Variants in APOOL observed in about 807,000 individuals in gnomAD.
The protein encoded by APOOL is MICOS complex subunit MIC27.
Under a neutral mutation model 23.1 loss-of-function variants are expected in APOOL, and 12 were observed. The ratio of observed to expected loss-of-function variants is 0.52; its 90% CI spans 0.33 to 0.84. APOOL has a LOEUF of 0.84. APOOL is among the 40% of genes least tolerant of loss of function. The pLI, the probability that APOOL is intolerant of heterozygous loss-of-function variation, is 0.02. For missense variants in APOOL, 212 were observed against 199.6 expected (o/e 1.06, Z -0.37); for synonymous variants, 77 against 69.9 (o/e 1.10, Z -0.51).
chrX:85,073,053 T>G (rs745692850), intron 6 of APOOL, among the ~76,000 whole-genome samples: 2 of 111,248 alleles, frequency 1.8e-5, no homozygotes, highest in South Asian at 7.4e-4. Flanking sequence ...GAGTAAAAAT[T>G]GAGGAAGGAT....
At chrX:85,074,189 C>G in intron 7 of APOOL, 78 bp downstream of exon 7, 1 of 1,155,267 alleles carries the variant, frequency 8.7e-7, no homozygotes, top group East Asian at 3.1e-5. Flanking sequence ...GGGTACTGGA[C>G]AGAGGTCGAG....
chrX:85,045,145 A>G (rs1922532324), intron 1 of APOOL, among the ~76,000 whole-genome samples: 1 of 111,911 alleles, frequency 8.9e-6, no homozygotes, highest in South Asian at 3.7e-4. Flanking sequence ...ATTAATGAAT[A>G]CCAACTGGGT....
intron 1 of APOOL, among the ~76,000 whole-genome samples, chrX:85,022,720 A>G (rs1433965865): frequency 9.0e-6 from 1 of 111,725 alleles, no homozygotes; most frequent in African/African-American, 3.2e-5. Context: ...TATTTAATAT[A>G]GTACTGGAAG....
intron 2 of APOOL, among the ~76,000 whole-genome samples, chrX:85,047,507 G>C (rs1922614648): frequency 9.0e-6 from 1 of 111,034 alleles, no homozygotes; most frequent in African/African-American, 3.3e-5. Flanking sequence ...TTATATTTGA[G>C]TGCTCAAAAT....
intron 1 of APOOL, among the ~76,000 whole-genome samples, chrX:85,021,986 C>T (rs1921682448): frequency 9.0e-6 from 1 of 111,371 alleles, no homozygotes; most frequent in African/African-American, 3.3e-5. Flanking sequence ...ACTGGATAAC[C>T]TAGAAAAAAA....
At chrX:85,033,548 G>A (rs1922113426) in intron 1 of APOOL, among the ~76,000 whole-genome samples, 1 of 111,955 alleles carries the variant, frequency 8.9e-6, no homozygotes, top group African/African-American at 3.2e-5. Context: ...GTTATATGGA[G>A]AATAAGTTTT....
chrX:85,031,961 T>A (rs1157009943), intron 1 of APOOL, among the ~76,000 whole-genome samples: 2 of 111,823 alleles, frequency 1.8e-5, no homozygotes, highest in African/African-American at 6.5e-5. Context: ...GCTCTCAATA[T>A]TCCTCTCCCA....
chrX:85,043,720 C>T (rs1327835541), intron 1 of APOOL, among the ~76,000 whole-genome samples: 2 of 111,240 alleles, frequency 1.8e-5, no homozygotes, highest in Non-Finnish European at 3.8e-5. Context: ...ACAAAAATTG[C>T]AACCTTTTTT....
chrX:85,062,159 G>A (rs1463697670), intron 5 of APOOL, among the ~76,000 whole-genome samples: 1 of 110,198 alleles, frequency 9.1e-6, no homozygotes, highest in African/African-American at 3.3e-5. Context: ...TTCAGGAGCA[G>A]GTCTTCTTTT....
intron 8 of APOOL, among the ~76,000 whole-genome samples, chrX:85,077,108 T>C (rs2147664235): frequency 9.7e-6 from 1 of 102,929 alleles, no homozygotes; most frequent in Non-Finnish European, 2.0e-5. Flanking sequence ...CACATATATA[T>C]ATATTTTTTT....
At chrX:85,059,564 G>A (rs1923110767) in intron 5 of APOOL, among the ~76,000 whole-genome samples, 2 of 109,163 alleles carry the variant, frequency 1.8e-5, no homozygotes, top group East Asian at 2.9e-4. Flanking sequence ...TTTAATGATT[G>A]CCATTCTAAC....
chrX:85,041,570 G>T (rs1288620072), intron 1 of APOOL, among the ~76,000 whole-genome samples: 1 of 111,325 alleles, frequency 9.0e-6, no homozygotes, highest in Non-Finnish European at 1.9e-5. Context: ...GGGCATGTGA[G>T]AGAGTCTGGC....
chrX:85,072,270 A>G (rs1016753861), intron 6 of APOOL, among the ~76,000 whole-genome samples: 3 of 112,109 alleles, frequency 2.7e-5, no homozygotes, highest in Non-Finnish European at 5.6e-5. Context: ...AATTTGAAAA[A>G]TCATTTAGAT....
At chrX:85,045,344 A>G (rs1352005451) in intron 1 of APOOL, among the ~76,000 whole-genome samples, 1 of 111,782 alleles carries the variant, frequency 8.9e-6, no homozygotes, top group Non-Finnish European at 1.9e-5. Context: ...TGCCCAGTTT[A>G]AACAGGAAAT....
At chrX:85,045,059 A>C (rs1320068970) in intron 1 of APOOL, among the ~76,000 whole-genome samples, 1 of 111,914 alleles carries the variant, frequency 8.9e-6, no homozygotes, top group East Asian at 2.8e-4. Context: ...CATGGGGACC[A>C]TACTTGCTGG....
chrX:85,088,186 A>G lies in APOOL; in HGVS notation c.*508A>G, dbSNP rs369848219. On this transcript the variant is annotated 3_prime_UTR_variant, in exon 9 of 9. Coordinates refer to ENST00000373173, the MANE Select transcript of APOOL (RefSeq NM_198450.6). ...TATTTATACATATATGTATAAATAC[A>G]TACATATTTATACATATATATGTAT... is the stretch of plus-strand genomic sequence containing the variant. The G allele has an allele frequency of 6.7e-3, 58 of 8,717 alleles. No homozygotes were observed. The highest frequency in any genetic ancestry group is 9.7e-3 in the Non-Finnish European group (31 of 3,192). 0.7% of individuals were successfully genotyped at this position (8,717 alleles called of 1,213,427 possible). A position where few individuals can be genotyped will look rare whatever the true frequency, so the allele number is the denominator to read the frequency against.
intron 1 of APOOL, among the ~76,000 whole-genome samples, chrX:85,028,016 A>G (rs976956700): frequency 9.0e-6 from 1 of 111,457 alleles, no homozygotes; most frequent in Non-Finnish European, 1.9e-5. Context: ...CAGCAGTATG[A>G]TTGCTGAGTC....
At chrX:85,064,325 A>G (rs1282278555) in intron 5 of APOOL, among the ~76,000 whole-genome samples, 2 of 106,961 alleles carry the variant, frequency 1.9e-5, no homozygotes, top group African/African-American at 7.0e-5. Flanking sequence ...TTTTTTTCAA[A>G]AAAACAGCTC....
chrX:85,062,227 C>A (rs1016331972), intron 5 of APOOL, among the ~76,000 whole-genome samples: 2 of 110,841 alleles, frequency 1.8e-5, no homozygotes, highest in Non-Finnish European at 3.8e-5. Flanking sequence ...AGTTTTTTTT[C>A]TTATAAATCT....
Sources: gnomAD v4.1 joint callset for allele counts (sites outside exome capture counted in the v4.1 genomes callset) on GRCh38, gnomAD v4.1.1 for gene constraint, MANE v1.5 for transcripts, NCBI Gene and HGNC (gene_info 2026-07-23, HGNC 2026-07-21) for gene names.